WNK2: variants seen among roughly 807,000 people sequenced by gnomAD.
WNK2 encodes serine/threonine-protein kinase WNK2.
A neutral mutation model predicts 192.1 loss-of-function variants in WNK2; 67 were observed. The ratio of observed to expected loss-of-function variants is 0.35; its 90% CI spans 0.29 to 0.43. WNK2 has a LOEUF of 0.43. Among genes scored for constraint, WNK2 ranks in the 20% least tolerant of loss-of-function variants. The probability of loss-of-function intolerance (pLI) is 1.00; values close to 1 mark genes in which losing one functional copy is unlikely to be tolerated. For synonymous variants in WNK2, 1,439 were observed against 1,393.9 expected (o/e 1.03, Z -0.72); for missense variants, 2,698 against 3,089.7 (o/e 0.87, Z 3.01).
chr9:93,252,757 C>T lies in WNK2; in HGVS notation c.1835-126C>T, dbSNP rs969831947. The T allele has an allele frequency of 3.1e-5, 27 of 882,056 alleles. No individual in the cohort carries two copies. The East Asian group carries it at 4.2e-4, about 14-fold the overall frequency. 54.6% of individuals were successfully genotyped at this position (882,056 alleles called of 1,614,324 possible). A position where few individuals can be genotyped will look rare whatever the true frequency, so the allele number is the denominator to read the frequency against. ...CAGCCAATTGTTTAAACAATATGTG[C>T]GGGTTATTTATGTGATCTGGAGAAA... On this transcript the variant is annotated intron_variant, in intron 8 of 29. Transcript: ENST00000427277.
At chr9:93,295,019 T>C (rs1850002117) in intron 23 of WNK2, among the ~76,000 whole-genome samples, 1 of 152,186 alleles carries the variant, frequency 6.6e-6, no homozygotes, top group Non-Finnish European at 1.5e-5. Flanking sequence ...GAGGTGCCTG[T>C]GCCTCATTGC....
At chr9:93,285,879 C>T (rs1461218787) in intron 19 of WNK2, among the ~76,000 whole-genome samples, 1 of 152,174 alleles carries the variant, frequency 6.6e-6, no homozygotes, top group Non-Finnish European at 1.5e-5. Flanking sequence ...AGCAGGCCCA[C>T]ATCTTTGGAC....
At position 93,256,972 on chromosome 9, in the gene WNK2, C is replaced by A; in HGVS notation, c.2215C>A (p.Pro739Thr). The A allele has an allele frequency of 1.3e-6, 2 of 1,585,192 alleles. No individual in the cohort carries two copies. Among genetic ancestry groups the A allele is most frequent in the Non-Finnish European group, 1.7e-6 (2 of 1,170,922 alleles). The part of the protein sequence containing the change: ...QQPPPLAQPT[P>T]LPQVLAPQPV... ...GCCTCCTCCGCTGGCCCAGCCGACA[C>A]CCCTGCCGCAGGTCCTGGCCCCACA... The change falls in exon 11 of 30, where the codon CCC becomes ACC. Residue 739 changes from proline (P) to threonine (T), a missense_variant. By Grantham distance (38) the Pro-to-Thr change is conservative (BLOSUM62 -1). This residue lies in a region of WNK2 where 893 missense variants were observed against 909.0 expected (regional missense o/e 0.98). Coordinates refer to ENST00000427277, the MANE Select transcript of WNK2 (RefSeq NM_006648.4).
intron 2 of WNK2, among the ~76,000 whole-genome samples, chr9:93,191,184 C>A (rs2130981096): frequency 6.6e-6 from 1 of 152,224 alleles, no homozygotes; most frequent in Admixed American, 6.5e-5. Context: ...TTGCATCCCC[C>A]CACCCTGTCC....
chr9:93,224,222 C>G (rs1837426376), intron 2 of WNK2, among the ~76,000 whole-genome samples: 1 of 152,224 alleles, frequency 6.6e-6, no homozygotes, highest in South Asian at 2.1e-4. Context: ...CAGTTCTGCC[C>G]CTTCAAGGGG....
rs764354486 is a variant in WNK2, at chr9:93,317,533, G to C, written c.6530G>C (p.Arg2177Pro). Residue 2177 changes from arginine (R) to proline (P), a missense_variant, in exon 29 of 30, where the codon CGA becomes CCA. Physicochemically the swap from Arg to Pro is moderately radical, Grantham distance 103. This residue lies in a region of WNK2 where 167 missense variants were observed against 184.2 expected (regional missense o/e 0.91). Transcript: ENST00000427277. ...TGTGTTTTGTAGATGACCGCACCTC[G>C]AGCAGGAGTGGGGATGCCACGTCTG... ...PGEARAMTAPRAGVGMPRLPP... is the reference protein window; with the variant it reads ...PGEARAMTAPPAGVGMPRLPP... 1.2e-6 allele frequency: 2 copies of C among 1,613,702 alleles called. No individual in the cohort carries two copies. The highest frequency in any genetic ancestry group is 8.5e-7 in the Non-Finnish European group (1 of 1,179,862).
chr9:93,225,161 A>T (rs1837601772), intron 2 of WNK2, among the ~76,000 whole-genome samples: 1 of 152,170 alleles, frequency 6.6e-6, no homozygotes, highest in Non-Finnish European at 1.5e-5. Context: ...CACTTTTGGG[A>T]GGCCAAGGCA....
intron 8 of WNK2, among the ~76,000 whole-genome samples, chr9:93,248,635 C>A (rs1842123877): frequency 6.6e-6 from 1 of 152,174 alleles, no homozygotes; most frequent in East Asian, 1.9e-4. Flanking sequence ...TAAGGCAGAA[C>A]CTTTGGGACC....
chr9:93,307,904 G>T, intron 27 of WNK2: 1 of 184,048 alleles, frequency 5.4e-6, no homozygotes, highest in East Asian at 1.5e-4. Context: ...CTCATGTTAC[G>T]GCTGAGGATG....
rs745449856 is a variant in WNK2, at chr9:93,257,030, A to G, written c.2273A>G (p.His758Arg). The change falls in exon 11 of 30, where the codon CAC becomes CGC. Residue 758 changes from histidine (H) to arginine (R), a missense_variant. Physicochemically the swap from His to Arg is conservative, Grantham distance 29. Around this residue, in one of 7 missense-constraint regions of WNK2, gnomAD observed 893 missense variants for 909.0 expected, o/e 0.98. Coordinates refer to ENST00000427277, the MANE Select transcript of WNK2 (RefSeq NM_006648.4). This position sits in a 1 kb window ranked among gnomAD's most constrained non-coding sequence, Gnocchi z 4.7. Reference protein sequence around the residue: ...PVVPLQPVPPHLPPYLAPASQ... With the variant: ...PVVPLQPVPPRLPPYLAPASQ... The stretch of plus-strand genomic sequence containing the variant: ...GTCCCCCTCCAGCCGGTTCCCCCCC[A>G]CCTGCCACCGTACCTGGCTCCAGCC... 1 of 1,602,024 alleles carries G rather than the reference A, an allele frequency of 6.2e-7. No homozygotes were observed. The highest frequency in any genetic ancestry group is 1.3e-5 in the African/African-American group (1 of 74,302).
chr9:93,318,551 T>G (rs1272239721), intron 29 of WNK2: 1 of 1,613,996 alleles, frequency 6.2e-7, no homozygotes, highest in South Asian at 1.1e-5. Context: ...AGTGGGCTGC[T>G]GTGAGTGAGG....
chr9:93,247,908 A>G lies in WNK2; in HGVS notation c.1834+74A>G. ...TGCAAAAACCAGCTATTGGGCAAAG[A>G]AAAATGAAGTCCTCTCCCTTTATTG... On this transcript the variant is annotated intron_variant, in intron 8 of 29. Coordinates refer to ENST00000427277, the MANE Select transcript of WNK2 (RefSeq NM_006648.4). This position sits in a 1 kb window ranked among gnomAD's most constrained non-coding sequence, Gnocchi z 5.2. 1 of 1,449,020 alleles carries G rather than the reference A, an allele frequency of 6.9e-7. No homozygotes were observed. The highest frequency in any genetic ancestry group is 2.5e-5 in the East Asian group (1 of 40,282). The allele number at this position is 1,449,020 out of a possible 1,614,324, so 89.8% of individuals were successfully genotyped here. A position where few individuals can be genotyped will look rare whatever the true frequency, so the allele number is the denominator to read the frequency against.
intron 2 of WNK2, among the ~76,000 whole-genome samples, chr9:93,207,404 C>G (rs1304198079): frequency 6.6e-6 from 1 of 152,190 alleles, no homozygotes; most frequent in Non-Finnish European, 1.5e-5. Flanking sequence ...CCCACCAGCT[C>G]CTGAGGAGGG....
chr9:93,269,816 T>C (rs1845769783), intron 19 of WNK2, among the ~76,000 whole-genome samples: 1 of 152,186 alleles, frequency 6.6e-6, no homozygotes, highest in African/African-American at 2.4e-5. Flanking sequence ...AGGAAACCTT[T>C]TTGAGCTGGT....
intron 4 of WNK2, among the ~76,000 whole-genome samples, chr9:93,234,515 G>A (rs556456868): frequency 5.3e-5 from 8 of 152,294 alleles, no homozygotes; most frequent in Admixed American, 1.3e-4. Flanking sequence ...CTCGGACCCC[G>A]TCCCCTGGGA....
chr9:93,240,041 A>C (rs1840488602), intron 7 of WNK2, 65 bp downstream of exon 7: 2 of 1,516,560 alleles, frequency 1.3e-6, no homozygotes, highest in Non-Finnish European at 1.8e-6. Flanking sequence ...TCCAAGGATG[A>C]GAACAAAAGT....
At chr9:93,317,432 A>C in intron 28 of WNK2, 88 bp from the exon 29 acceptor site, 2 of 1,322,342 alleles carry the variant, frequency 1.5e-6, no homozygotes, top group Non-Finnish European at 2.1e-6. Flanking sequence ...CTGAGGATGG[A>C]GAAACTGTGG....
intron 2 of WNK2, among the ~76,000 whole-genome samples, chr9:93,204,857 C>A (rs1833091430): frequency 6.6e-6 from 1 of 152,166 alleles, no homozygotes; most frequent in Non-Finnish European, 1.5e-5. Flanking sequence ...AGCCTTGGGG[C>A]TGTGTGTTTG....
At chr9:93,211,559 C>G (rs368070635) in intron 2 of WNK2, among the ~76,000 whole-genome samples, 1 of 145,760 alleles carries the variant, frequency 6.9e-6, no homozygotes, top group African/African-American at 2.5e-5. Context: ...CTCACTCACT[C>G]ATCCACTCAC....
Sources: allele counts gnomAD v4.1 joint callset (sites outside exome capture counted in the v4.1 genomes callset), GRCh38; gene constraint gnomAD v4.1.1; regional missense constraint gnomAD v4.1.1; non-coding constraint Gnocchi (gnomAD v3.1); transcripts MANE v1.5; gene names NCBI Gene and HGNC (gene_info 2026-07-23, HGNC 2026-07-21).